CYP7B1: variants seen among roughly 807,000 people sequenced by gnomAD.
CYP7B1 encodes cytochrome P450 family 7 subfamily B member 1.
CYP7B1 carries 29 observed loss-of-function variants against 42.7 expected under a neutral mutation model. The ratio of observed to expected loss-of-function variants is 0.68; its 90% CI spans 0.51 to 0.93. The LOEUF is 0.93. CYP7B1 is among the 40% of genes least tolerant of loss of function. The pLI is 0.00. For synonymous variants in CYP7B1, 235 were observed against 218.2 expected (o/e 1.08, Z -0.68); for missense variants, 655 against 600.5 (o/e 1.09, Z -0.95).
chr8:64,746,579 G>A (rs7009078), intron 1 of CYP7B1, among the ~76,000 whole-genome samples: 43,861 of 151,990 alleles, frequency 0.29, 7,548 homozygotes, highest in African/African-American at 0.48. Flanking sequence ...ATACTATTTT[G>A]CTTTGCATTT....
chr8:64,722,022 T>C (rs1243941923), intron 1 of CYP7B1, among the ~76,000 whole-genome samples: 1 of 152,210 alleles, frequency 6.6e-6, no homozygotes, highest in East Asian at 1.9e-4. Context: ...AAAATTAGCA[T>C]AACAGGAGCA....
intron 1 of CYP7B1, among the ~76,000 whole-genome samples, chr8:64,676,783 C>T (rs1310664016): frequency 6.6e-6 from 1 of 152,006 alleles, no homozygotes; most frequent in South Asian, 2.1e-4. Flanking sequence ...GACTAGTTCA[C>T]GGCATTAAAA....
intron 1 of CYP7B1, among the ~76,000 whole-genome samples, chr8:64,670,038 T>G (rs373302009): frequency 2.0e-5 from 3 of 152,358 alleles, no homozygotes; most frequent in African/African-American, 7.2e-5. Context: ...GCTTAAGGGC[T>G]ATTCCAACTC....
intron 1 of CYP7B1, among the ~76,000 whole-genome samples, chr8:64,765,694 A>C (rs1035540821): frequency 2.0e-5 from 3 of 152,156 alleles, no homozygotes; most frequent in African/African-American, 7.2e-5. Flanking sequence ...GGACCATAGA[A>C]GACGCTCTTG....
intron 1 of CYP7B1, among the ~76,000 whole-genome samples, chr8:64,721,838 TTATC>T (rs1253762542): frequency 6.6e-6 from 1 of 152,116 alleles, no homozygotes; most frequent in East Asian, 1.9e-4. Context: ...ATAGATAACA[TTATC>T]TACTGTAAAT....
chr8:64,615,550 T>C (rs1805425755), intron 3 of CYP7B1, 141 bp downstream of exon 3: 1 of 810,564 alleles, frequency 1.2e-6, no homozygotes, highest in Non-Finnish European at 2.0e-6. Context: ...TTATAGAGGG[T>C]TATATCAGAG....
At chr8:64,787,829 T>C (rs1260891464) in intron 1 of CYP7B1, among the ~76,000 whole-genome samples, 2 of 152,200 alleles carry the variant, frequency 1.3e-5, no homozygotes. Flanking sequence ...TGACTAACAG[T>C]TCTGCATGGC....
intron 1 of CYP7B1, among the ~76,000 whole-genome samples, chr8:64,674,259 C>T (rs879572295): frequency 7.2e-5 from 11 of 152,068 alleles, no homozygotes; most frequent in Non-Finnish European, 1.5e-4. Context: ...CAGATACTTC[C>T]GATTCATTGC....
chr8:64,672,562 G>A (rs566482144), intron 1 of CYP7B1, among the ~76,000 whole-genome samples: 1 of 152,196 alleles, frequency 6.6e-6, no homozygotes, highest in East Asian at 1.9e-4. Context: ...TATCTGATGT[G>A]TGTGTATTTT....
intron 1 of CYP7B1, among the ~76,000 whole-genome samples, chr8:64,667,362 C>T (rs542990177): frequency 2.0e-5 from 3 of 152,192 alleles, no homozygotes; most frequent in South Asian, 2.1e-4. Context: ...CACCATTACT[C>T]GGAGCATGCT....
intron 1 of CYP7B1, among the ~76,000 whole-genome samples, chr8:64,697,557 T>A (rs1356217758): frequency 1.3e-5 from 2 of 152,096 alleles, no homozygotes; most frequent in African/African-American, 4.8e-5. Flanking sequence ...TAATAAGAAC[T>A]CACCTGGAGG....
In CYP7B1 at chr8:64,604,721, T is replaced by C; in HGVS notation, c.1194A>G (p.Pro398=). The change falls in exon 5 of 6, where the codon CCA becomes CCG. Residue 398 remains proline, a synonymous_variant. Transcript: ENST00000310193. ...AGATTTCAGGGTCACCATGTAGGAC[T>C]GGAGGAAAGATGGCTACCAAGTCTC... The part of the protein sequence containing the change: ...RKGDLVAIFP[P]VLHGDPEIFE... 2 of 1,614,144 alleles carry C rather than the reference T, an allele frequency of 1.2e-6. No individual in the cohort carries two copies. The highest frequency in any genetic ancestry group is 2.2e-5 in the East Asian group (1 of 44,874).
chr8:64,788,960 G>A (rs894092499), intron 1 of CYP7B1, among the ~76,000 whole-genome samples: 17 of 152,118 alleles, frequency 1.1e-4, no homozygotes, highest in African/African-American at 2.2e-4. Flanking sequence ...TCACTCTGTC[G>A]CCCAGCCTGG....
chr8:64,746,000 T>C (rs1348770711), intron 1 of CYP7B1, among the ~76,000 whole-genome samples: 5 of 152,138 alleles, frequency 3.3e-5, no homozygotes, highest in African/African-American at 1.2e-4. Context: ...AGTCAACCAT[T>C]CAATGCATGT....
chr8:64,707,046 T>C (rs1807010281), intron 1 of CYP7B1, among the ~76,000 whole-genome samples: 1 of 152,022 alleles, frequency 6.6e-6, no homozygotes, highest in African/African-American at 2.4e-5. Context: ...TAAACAATAA[T>C]AAATTTATAT....
intron 1 of CYP7B1, among the ~76,000 whole-genome samples, chr8:64,753,540 T>C (rs1585895256): frequency 6.6e-6 from 1 of 152,168 alleles, no homozygotes; most frequent in Non-Finnish European, 1.5e-5. Flanking sequence ...GATTGAGGTA[T>C]GCCCATTCAC....
intron 1 of CYP7B1, among the ~76,000 whole-genome samples, chr8:64,718,344 T>C (rs1235197653): frequency 6.6e-6 from 1 of 152,160 alleles, no homozygotes; most frequent in Non-Finnish European, 1.5e-5. Flanking sequence ...CTGTAAGAGT[T>C]GGCTTTTTGG....
intron 1 of CYP7B1, among the ~76,000 whole-genome samples, chr8:64,699,997 C>A (rs1806888710): frequency 6.6e-6 from 1 of 152,100 alleles, no homozygotes; most frequent in African/African-American, 2.4e-5. Flanking sequence ...AGAACCCAGA[C>A]AACTTGAGTC....
chr8:64,693,407 T>C (rs915797027), intron 1 of CYP7B1, among the ~76,000 whole-genome samples: 1 of 152,224 alleles, frequency 6.6e-6, no homozygotes, highest in African/African-American at 2.4e-5. Flanking sequence ...GGCTTGACAC[T>C]GAGCCTTCAG....
Sources: gnomAD v4.1 joint callset for allele counts (sites outside exome capture counted in the v4.1 genomes callset) on GRCh38, gnomAD v4.1.1 for gene constraint, MANE v1.5 for transcripts, NCBI Gene and HGNC (gene_info 2026-07-23, HGNC 2026-07-21) for gene names.